Variants in GRB10 observed in about 807,000 individuals in gnomAD.
GRB10 encodes the protein growth factor receptor bound protein 10.
A neutral mutation model predicts 80.9 loss-of-function variants in GRB10; 20 were observed. The ratio of observed to expected loss-of-function variants is 0.25; its 90% confidence interval spans 0.17 to 0.36. The LOEUF is 0.36. GRB10 is among the 10% of genes least tolerant of loss of function. The probability of loss-of-function intolerance (pLI) is 1.00; values close to 1 mark genes in which losing one functional copy is unlikely to be tolerated. For missense variants in GRB10, 548 were observed against 747.7 expected (o/e 0.73, Z 3.12); for synonymous variants, 291 against 291.5 (o/e 1.00, Z 0.02).
chr7:50,697,027 T>G (rs139978374), intron 5 of GRB10, among the ~76,000 whole-genome samples: 64 of 152,362 alleles, frequency 4.2e-4, no homozygotes, highest in African/African-American at 1.5e-3. Context: ...GGGTGAACCC[T>G]GAAGACATGC....
chr7:50,749,868 T>C (rs184184691), intron 3 of GRB10, among the ~76,000 whole-genome samples: 4 of 152,382 alleles, frequency 2.6e-5, no homozygotes, highest in African/African-American at 4.8e-5. Context: ...GCTTTAAATG[T>C]AGGTATTCAA....
At chr7:50,752,547 A>G (rs1180962018) in intron 3 of GRB10, among the ~76,000 whole-genome samples, 1 of 152,196 alleles carries the variant, frequency 6.6e-6, no homozygotes, top group Non-Finnish European at 1.5e-5. Flanking sequence ...GGCCAGAGAA[A>G]TGGTCCCTAT....
intron 4 of GRB10, among the ~76,000 whole-genome samples, chr7:50,704,545 TTC>T (rs980440587): frequency 4.2e-4 from 64 of 152,340 alleles, no homozygotes; most frequent in African/African-American, 1.5e-3. Flanking sequence ...GATGTCTGTT[TTC>T]TCTTATAGAT....
intron 13 of GRB10, among the ~76,000 whole-genome samples, chr7:50,608,773 T>C (rs185100536): frequency 2.0e-5 from 3 of 152,254 alleles, no homozygotes; most frequent in African/African-American, 4.8e-5. Flanking sequence ...GTGACCAGCC[T>C]AGGCAACATG....
At chr7:50,770,855 T>C (rs2076919970) in intron 2 of GRB10, among the ~76,000 whole-genome samples, 1 of 152,180 alleles carries the variant, frequency 6.6e-6, no homozygotes, top group Non-Finnish European at 1.5e-5. Context: ...AGAAAAAATA[T>C]TTTTTAAATG....
intron 5 of GRB10, among the ~76,000 whole-genome samples, chr7:50,675,801 C>A (rs1204189962): frequency 1.3e-5 from 2 of 151,352 alleles, no homozygotes; most frequent in African/African-American, 4.8e-5. Flanking sequence ...TACAACCCAG[C>A]ACATGGAGAT....
intron 17 of GRB10, among the ~76,000 whole-genome samples, chr7:50,598,515 G>A (rs1263837833): frequency 6.6e-6 from 1 of 152,176 alleles, no homozygotes; most frequent in African/African-American, 2.4e-5. Flanking sequence ...AGTGATCAGA[G>A]TACAATCTAG....
chr7:50,704,335 C>T (rs936042869), intron 4 of GRB10, among the ~76,000 whole-genome samples: 2 of 152,208 alleles, frequency 1.3e-5, no homozygotes, highest in African/African-American at 4.8e-5. Flanking sequence ...ATGGTTCCCT[C>T]TACAAAATGT....
chr7:50,773,465 AGGCAG>A (rs2077224997), intron 2 of GRB10, among the ~76,000 whole-genome samples: 4 of 41,818 alleles, frequency 9.6e-5, no homozygotes, highest in African/African-American at 5.7e-4. Flanking sequence ...GGGGAGGGGA[AGGCAG>A]GGGAGGGGAA....
At chr7:50,622,194 G>A (rs944865160) in intron 8 of GRB10, among the ~76,000 whole-genome samples, 11 of 152,228 alleles carry the variant, frequency 7.2e-5, no homozygotes, top group Non-Finnish European at 1.0e-4. Flanking sequence ...GGATAAGGCC[G>A]TAAGTGGACT....
chr7:50,742,680 C>G (rs1484816899), intron 3 of GRB10, among the ~76,000 whole-genome samples: 1 of 151,626 alleles, frequency 6.6e-6, no homozygotes, highest in Non-Finnish European at 1.5e-5. Context: ...GGGGAAGACT[C>G]TGCATGCCCA....
chr7:50,656,282 T>C lies in GRB10; in HGVS notation c.504+13440A>G, dbSNP rs115512519. On this transcript the variant is annotated intron_variant, in intron 7 of 18. Transcript: ENST00000401949. ...GGTCCTTGCTTGCTATCGGTCACTCTGATCCTCCGTCCCAGGGCGATCCTG... is the reference window on the plus strand; with the variant it reads ...GGTCCTTGCTTGCTATCGGTCACTCCGATCCTCCGTCCCAGGGCGATCCTG... Among the ~76,000 whole-genome samples the C allele has an allele frequency of 5.7e-3, 861 of 152,340 alleles. 15 individuals carry two copies. Among genetic ancestry groups the C allele is most frequent in the African/African-American group, 0.019 (806 of 41,578 alleles).
At chr7:50,702,415 G>A (rs919266794) in intron 5 of GRB10, among the ~76,000 whole-genome samples, 3 of 152,202 alleles carry the variant, frequency 2.0e-5, no homozygotes, top group Non-Finnish European at 4.4e-5. Flanking sequence ...CAGCCCTGAG[G>A]AGACAGCACT....
At chr7:50,754,745 C>T (rs533464034) in intron 3 of GRB10, among the ~76,000 whole-genome samples, 2 of 152,296 alleles carry the variant, frequency 1.3e-5, no homozygotes, top group South Asian at 4.2e-4. Flanking sequence ...ACCCAGGTCC[C>T]CCAGCCTCCC....
rs144507604 is a variant in GRB10 at position 50,653,735 on chromosome 7, G to A, written c.504+15987C>T. 5.6e-3 allele frequency among the ~76,000 whole-genome samples: 855 copies of A among 152,262 alleles called. 11 individuals carry two copies. The highest frequency in any genetic ancestry group is 4.7e-3 in the Non-Finnish European group (319 of 68,014). On this transcript the variant is annotated intron_variant, in intron 7 of 18. Coordinates refer to ENST00000401949, the MANE Select transcript of GRB10 (RefSeq NM_001350814.2). ...AGAGACTTAAGTTTTCCTTCCACAC[G>A]CTTCACCACTGTTCACAGGGTCCAT...
At chr7:50,670,604 G>C (rs751000103) in intron 6 of GRB10, among the ~76,000 whole-genome samples, 1 of 152,060 alleles carries the variant, frequency 6.6e-6, no homozygotes, top group Non-Finnish European at 1.5e-5. Flanking sequence ...GCCTGACATG[G>C]CATCAGCTCC....
At chr7:50,649,283 G>A (rs1239591884) in intron 7 of GRB10, among the ~76,000 whole-genome samples, 6 of 152,230 alleles carry the variant, frequency 3.9e-5, no homozygotes. Context: ...GTCAGAGGGA[G>A]GCTGGCCAGG....
chr7:50,677,058 G>A (rs2061036443), intron 5 of GRB10, among the ~76,000 whole-genome samples: 1 of 152,184 alleles, frequency 6.6e-6, no homozygotes, highest in African/African-American at 2.4e-5. Context: ...TAGAAAAACA[G>A]GGGTCAGATG....
chr7:50,745,615 G>A (rs1020934549), intron 3 of GRB10, among the ~76,000 whole-genome samples: 1 of 152,200 alleles, frequency 6.6e-6, no homozygotes, highest in Admixed American at 6.5e-5. Flanking sequence ...CCTAAAAATA[G>A]TGAATTTCAT....
Sources: allele counts gnomAD v4.1 joint callset (sites outside exome capture counted in the v4.1 genomes callset), GRCh38; gene constraint gnomAD v4.1.1; transcripts MANE v1.5; gene names NCBI Gene and HGNC (gene_info 2026-07-23, HGNC 2026-07-21).